The following MCC variants were observed in gnomAD, a reference collection of about 807,000 sequenced individuals.
MCC encodes colorectal mutant cancer protein.
Under a neutral mutation model 116.2 loss-of-function variants are expected in MCC, and 90 were observed. The ratio of observed to expected loss-of-function variants is 0.77; its 90% confidence interval spans 0.65 to 0.92. The LOEUF is 0.92. MCC is among the 40% of genes least tolerant of loss of function. MCC has a pLI of 0.00. For missense variants in MCC, 1,516 were observed against 1,312.2 expected (o/e 1.16, Z -2.40); for synonymous variants, 578 against 510.5 (o/e 1.13, Z -1.78).
At chr5:113,141,844 G>C (rs1402531460) in intron 5 of MCC, among the ~76,000 whole-genome samples, 4 of 152,182 alleles carry the variant, frequency 2.6e-5, no homozygotes, top group East Asian at 1.9e-4. Flanking sequence ...TTCATATTTT[G>C]TATTTTTCAC....
At chr5:113,318,988 T>A (rs1256463197) in intron 3 of MCC, among the ~76,000 whole-genome samples, 2 of 152,098 alleles carry the variant, frequency 1.3e-5, no homozygotes, top group Non-Finnish European at 2.9e-5. Context: ...TACCTCAGCC[T>A]TCTGAGTAGC....
chr5:113,140,176 T>C (rs946150572), intron 5 of MCC, among the ~76,000 whole-genome samples: 15 of 152,218 alleles, frequency 9.9e-5, no homozygotes. Context: ...GACATGATGA[T>C]ATTTGACCAC....
chr5:113,393,777 C>T (rs1016362436), intron 1 of MCC, among the ~76,000 whole-genome samples: 2 of 152,190 alleles, frequency 1.3e-5, no homozygotes, highest in Non-Finnish European at 2.9e-5. Flanking sequence ...CTCTTCAGTG[C>T]TTAATGCCGA....
chr5:113,063,491 A>C (rs1278665924), intron 14 of MCC, among the ~76,000 whole-genome samples: 1 of 152,120 alleles, frequency 6.6e-6, no homozygotes, highest in African/African-American at 2.4e-5. Context: ...GGCAAAAGAG[A>C]TGAGAGGAGA....
intron 1 of MCC, chr5:113,436,516 A>G (rs1178012400): frequency 1.3e-5 from 2 of 152,208 alleles, no homozygotes; most frequent in African/African-American, 4.8e-5. Context: ...GAAGACTGAC[A>G]ACAGACTCTG....
chr5:113,078,238 T>A lies in MCC; in HGVS notation c.1784+4622A>T, dbSNP rs1174301703. 2.0e-5 allele frequency among the ~76,000 whole-genome samples: 3 copies of A among 152,192 alleles called. No individual in the cohort carries two copies. In the South Asian group the frequency reaches 6.2e-4, roughly 32 times the overall value. ...TTCTACCAGAGGTACAAGGAGAAGC[T>A]GGTATCATTCCTTCTGAAACTGTTC... On this transcript the variant is annotated intron_variant, in intron 11 of 18. Transcript: ENST00000408903.
At position 113,116,953 on chromosome 5, in the gene MCC, A is replaced by T. The variant is rs575038442; in HGVS notation, c.1027+5731T>A. 4.6e-5 allele frequency among the ~76,000 whole-genome samples: 7 copies of T among 152,348 alleles called. No individual in the cohort carries two copies. The South Asian group carries it at 1.4e-3, about 32-fold the overall frequency. On this transcript the variant is annotated intron_variant, in intron 6 of 18. Transcript: ENST00000408903. Reference sequence around the variant, plus strand: ...AAATTAAGTTGCCCACATAAAGAAAAGAAAAAGGTAACAAAGGGCTTGGCC... The same window carrying T: ...AAATTAAGTTGCCCACATAAAGAAATGAAAAAGGTAACAAAGGGCTTGGCC...
intron 3 of MCC, among the ~76,000 whole-genome samples, chr5:113,233,034 AC>A (rs1260977536): frequency 6.6e-6 from 1 of 152,160 alleles, no homozygotes; most frequent in Non-Finnish European, 1.5e-5. Flanking sequence ...TAAATGAAAT[AC>A]CTGTAAAGCA....
At chr5:113,135,960 A>G (rs4235794) in intron 5 of MCC, among the ~76,000 whole-genome samples, 147,899 of 152,268 alleles carry the variant, frequency 0.97, 71,982 homozygotes, top group East Asian at 1. Context: ...CACGAGAATC[A>G]CTTGAACTCA....
At chr5:113,063,067 T>C (rs1022841423) in intron 14 of MCC, among the ~76,000 whole-genome samples, 1 of 152,234 alleles carries the variant, frequency 6.6e-6, no homozygotes, top group African/African-American at 2.4e-5. Context: ...GTTTCCCTCT[T>C]ATCACCAGGC....
intron 1 of MCC, among the ~76,000 whole-genome samples, chr5:113,464,884 C>T (rs1438306664): frequency 6.6e-6 from 1 of 151,684 alleles, no homozygotes; most frequent in Non-Finnish European, 1.5e-5. Flanking sequence ...AAAAATAAAG[C>T]ATAAGTTGAT....
intron 11 of MCC, among the ~76,000 whole-genome samples, chr5:113,081,239 AG>A (rs1666473504): frequency 6.6e-6 from 1 of 152,154 alleles, no homozygotes; most frequent in South Asian, 2.1e-4. Flanking sequence ...ATGACAATGG[AG>A]GTGAGGTCAA....
intron 3 of MCC, among the ~76,000 whole-genome samples, chr5:113,314,238 A>G (rs188886293): frequency 5.3e-5 from 8 of 152,280 alleles, no homozygotes; most frequent in Admixed American, 5.2e-4. Context: ...ATGGGGCTTC[A>G]TTTTGCCTTT....
At chr5:113,299,928 C>G (rs140622778) in intron 3 of MCC, among the ~76,000 whole-genome samples, 1,678 of 152,314 alleles carry the variant, frequency 0.011, 20 homozygotes, top group Non-Finnish European at 0.018. Context: ...CTCTTCTCAT[C>G]TGGTCCCTGG....
At chr5:113,107,795 G>A (rs1756836151) in intron 6 of MCC, among the ~76,000 whole-genome samples, 1 of 152,216 alleles carries the variant, frequency 6.6e-6, no homozygotes, top group Non-Finnish European at 1.5e-5. Context: ...CATGTCTGCT[G>A]AGGGGCTCTC....
chr5:113,385,035 G>T lies in MCC; in HGVS notation c.348C>A (p.Asp116Glu). 2 of 1,614,184 alleles carry T rather than the reference G, an allele frequency of 1.2e-6. No individual in the cohort carries two copies. Among genetic ancestry groups the T allele is most frequent in the Non-Finnish European group, 1.7e-6 (2 of 1,179,996 alleles). Residue 116 changes from aspartate (D) to glutamate (E), a missense_variant, in exon 2 of 19, where the codon GAC becomes GAA. By Grantham distance (45) the Asp-to-Glu change is conservative (BLOSUM62 2). Transcript: ENST00000408903. ...CCCTCAGCTTCTTTGTACAGGAGTTGTCTGACTTTGCAGAAAGATCTACTT... is the reference window on the plus strand; with the variant it reads ...CCCTCAGCTTCTTTGTACAGGAGTTTTCTGACTTTGCAGAAAGATCTACTT... ...KEEVDLSAKSDNSCTKKLRDR... is the reference protein window; with the variant it reads ...KEEVDLSAKSENSCTKKLRDR...
chr5:113,232,153 T>C (rs564639987), intron 3 of MCC, among the ~76,000 whole-genome samples: 9 of 152,286 alleles, frequency 5.9e-5, no homozygotes, highest in African/African-American at 1.2e-4. Flanking sequence ...ACTTTTAACA[T>C]TGAATTTTCT....
chr5:113,092,010 C>G (rs1213025908), intron 8 of MCC, among the ~76,000 whole-genome samples: 1 of 152,182 alleles, frequency 6.6e-6, no homozygotes, highest in Non-Finnish European at 1.5e-5. Flanking sequence ...ATTGCCAACA[C>G]CTTCAACAGG....
At chr5:113,146,676 G>A (rs932751075) in intron 4 of MCC, among the ~76,000 whole-genome samples, 1 of 152,162 alleles carries the variant, frequency 6.6e-6, no homozygotes, top group African/African-American at 2.4e-5. Flanking sequence ...AATTTACTTA[G>A]CGGCCTCTGG....
Sources: gnomAD v4.1 joint callset for allele counts (sites outside exome capture counted in the v4.1 genomes callset) on GRCh38, gnomAD v4.1.1 for gene constraint, MANE v1.5 for transcripts, NCBI Gene and HGNC (gene_info 2026-07-23, HGNC 2026-07-21) for gene names.